Variants in DNER observed in about 807,000 individuals in gnomAD.
The protein encoded by DNER is delta/notch like EGF repeat containing.
In DNER, 33 loss-of-function variants were observed where a neutral mutation model predicts 78.2. The observed-to-expected ratio is 0.42, with a 90% CI of 0.32 to 0.56. The LOEUF (loss-of-function observed/expected upper bound fraction) is 0.56, where lower values mean the gene tolerates loss of function less well. Ranked by LOEUF, DNER falls within the 20% of genes least tolerant of loss-of-function variation. The pLI, the probability that DNER is intolerant of heterozygous loss-of-function variation, is 0.11. For synonymous variants in DNER, 417 were observed against 384.8 expected, an observed-to-expected ratio of 1.08 and a Z score of -0.98; for missense variants, 918 against 975.3, an observed-to-expected ratio of 0.94 and a Z score of 0.78.
At chr2:229,402,311 T>C (rs548070376) in intron 10 of DNER, among the ~76,000 whole-genome samples, 62 of 152,274 alleles carry the variant, frequency 4.1e-4, no homozygotes, top group African/African-American at 1.3e-3. Context: ...ACAACCAAAA[T>C]TTTTTAAATG....
Position 229,661,667 on chromosome 2 carries a change from C to T in DNER, c.276+52481G>A, listed in dbSNP as rs181029655. Among the ~76,000 whole-genome samples the T allele has an allele frequency of 4.1e-4, 63 of 152,226 alleles. 1 individual carries two copies. The highest frequency in any genetic ancestry group is 1.4e-3 in the African/African-American group (60 of 41,556). ...AGAAGCCAAATGTTAATAAAACAAA[C>T]TTGTGATTCATAATGCAGCATAAAG... On this transcript the variant is annotated intron_variant, in intron 1 of 12. Transcript: ENST00000341772.
Position 229,556,455 on chromosome 2 carries a change from T to C in DNER, c.848-9363A>G, listed in dbSNP as rs140157283. On this transcript the variant is annotated intron_variant, in intron 4 of 12. Transcript: ENST00000341772. ...TTGTGAAAAATGCTCTAAGTAATTC[T>C]GATGTGTGCTTCCAGTTAAGAACCA... Among the ~76,000 whole-genome samples the C allele has an allele frequency of 8.2e-3, 1,244 of 152,360 alleles. 12 individuals carry two copies. The highest frequency in any genetic ancestry group is 0.029 in the African/African-American group (1,187 of 41,582).
At chr2:229,502,533 C>T (rs942809591) in intron 6 of DNER, among the ~76,000 whole-genome samples, 1 of 152,128 alleles carries the variant, frequency 6.6e-6, no homozygotes, top group African/African-American at 2.4e-5. Flanking sequence ...ATGCTGGCAG[C>T]CCGGGGAGCT....
chr2:229,685,571 A>G (rs1034183088), intron 1 of DNER, among the ~76,000 whole-genome samples: 1 of 152,222 alleles, frequency 6.6e-6, no homozygotes, highest in Admixed American at 6.5e-5. Flanking sequence ...TATTATCGTC[A>G]TTAAAGAGAA....
At chr2:229,394,894 T>C (rs1426117115) in intron 10 of DNER, among the ~76,000 whole-genome samples, 3 of 152,220 alleles carry the variant, frequency 2.0e-5, no homozygotes, top group African/African-American at 7.2e-5. Flanking sequence ...TCAAATGAAT[T>C]CTGTTTTCTC....
At chr2:229,516,016 G>A (rs1000419949) in intron 5 of DNER, among the ~76,000 whole-genome samples, 1 of 152,158 alleles carries the variant, frequency 6.6e-6, no homozygotes, top group African/African-American at 2.4e-5. Context: ...TTGCAAGCAG[G>A]AACCTTGAAA....
chr2:229,669,987 G>A (rs761847782), intron 1 of DNER, among the ~76,000 whole-genome samples: 3 of 152,118 alleles, frequency 2.0e-5, no homozygotes, highest in African/African-American at 7.2e-5. Flanking sequence ...GCAGAGAGTC[G>A]CATCAGCATC....
chr2:229,678,243 C>A (rs1211236992), intron 1 of DNER, among the ~76,000 whole-genome samples: 1 of 152,156 alleles, frequency 6.6e-6, no homozygotes, highest in Non-Finnish European at 1.5e-5. Context: ...GTGTCCCCTT[C>A]GTATTTCCCA....
chr2:229,679,201 A>G (rs925469741), intron 1 of DNER, among the ~76,000 whole-genome samples: 1 of 152,216 alleles, frequency 6.6e-6, no homozygotes, highest in African/African-American at 2.4e-5. Context: ...AAACAAGAAT[A>G]TTAGAAGAGA....
At chr2:229,589,897 T>C (rs1291104769) in intron 2 of DNER, among the ~76,000 whole-genome samples, 1 of 114,728 alleles carries the variant, frequency 8.7e-6, no homozygotes, top group Non-Finnish European at 1.8e-5. Context: ...CTTCATAAGC[T>C]GTGTGGTAAT....
intron 1 of DNER, among the ~76,000 whole-genome samples, chr2:229,605,737 C>CA (rs1697922717): frequency 6.7e-6 from 1 of 148,950 alleles, no homozygotes; most frequent in Admixed American, 6.7e-5. Context: ...AAAAAAAATG[C>CA]AAAAACTAGC....
At chr2:229,422,549 A>C (rs2106351099) in intron 8 of DNER, among the ~76,000 whole-genome samples, 1 of 152,250 alleles carries the variant, frequency 6.6e-6, no homozygotes, top group South Asian at 2.1e-4. Context: ...GAGCGGATGA[A>C]GTCATTATCA....
intron 5 of DNER, among the ~76,000 whole-genome samples, chr2:229,514,013 T>C (rs189621709): frequency 1.4e-3 from 211 of 152,238 alleles, no homozygotes; most frequent in Non-Finnish European, 2.7e-3. Flanking sequence ...ACTGCCTGCC[T>C]TCCCCTTGAA....
At chr2:229,689,760 C>T (rs1699538003) in intron 1 of DNER, among the ~76,000 whole-genome samples, 1 of 152,180 alleles carries the variant, frequency 6.6e-6, no homozygotes, top group Non-Finnish European at 1.5e-5. Flanking sequence ...GTCTTCAAAG[C>T]AACCTCAGAG....
At chr2:229,409,185 A>G (rs1693453371) in intron 9 of DNER, among the ~76,000 whole-genome samples, 1 of 152,216 alleles carries the variant, frequency 6.6e-6, no homozygotes, top group East Asian at 1.9e-4. Flanking sequence ...ATACACAAGT[A>G]GCCTGGGCTC....
chr2:229,656,021 G>A (rs895810589), intron 1 of DNER, among the ~76,000 whole-genome samples: 1 of 152,032 alleles, frequency 6.6e-6, no homozygotes, highest in African/African-American at 2.4e-5. Context: ...GAGGAAGCCT[G>A]GCCCCACCCA....
chr2:229,690,668 T>C (rs721529), intron 1 of DNER, among the ~76,000 whole-genome samples: 128,643 of 152,156 alleles, frequency 0.85, 54,615 homozygotes, highest in East Asian at 0.94. Context: ...AGGGCTTATA[T>C]CTGTGGGAAA....
rs1553602523 is a variant in DNER at position 229,387,509 on chromosome 2, G to GAGAAAGAAA, written c.1855+747_1855+755dup. Among the ~76,000 whole-genome samples the GAGAAAGAAA allele has an allele frequency of 2.9e-4, 22 of 76,178 alleles. 2 individuals are homozygous for GAGAAAGAAA. Among genetic ancestry groups the GAGAAAGAAA allele is most frequent in the Admixed American group, 1.8e-3 (11 of 6,270 alleles). 50.0% of individuals were successfully genotyped at this position (76,178 alleles called of 152,430 possible). ...AAAGAAAGAAAGAAAGAAAGAAAGA[G>GAGAAAGAAA]AGAAAGAAAGAAAGAAAGAAAGAAA... On this transcript the variant is annotated intron_variant, in intron 11 of 12. Transcript: ENST00000341772.
At chr2:229,433,274 G>A (rs76262463) in intron 8 of DNER, among the ~76,000 whole-genome samples, 10,703 of 152,104 alleles carry the variant, frequency 0.07, 820 homozygotes, top group African/African-American at 0.19. Context: ...TCTCCTAAGC[G>A]CGTTTAACTA....
Sources: allele counts gnomAD v4.1 joint callset (sites outside exome capture counted in the v4.1 genomes callset), GRCh38; gene constraint gnomAD v4.1.1; transcripts MANE v1.5; gene names NCBI Gene and HGNC (gene_info 2026-07-23, HGNC 2026-07-21).